POLE2: variants seen among roughly 807,000 people sequenced by gnomAD.
POLE2 encodes DNA polymerase epsilon subunit 2.
A neutral mutation model predicts 79.4 loss-of-function variants in POLE2; 56 were observed. That is an observed-to-expected ratio of 0.71 (90% CI 0.57 to 0.88). The LOEUF is 0.88. Among genes scored for constraint, POLE2 ranks in the 40% least tolerant of loss-of-function variants. The pLI, the probability that POLE2 is intolerant of heterozygous loss-of-function variation, is 0.00. For synonymous variants in POLE2, 212 were observed against 214.0 expected (o/e 0.99, Z 0.08); for missense variants, 598 against 638.9 (o/e 0.94, Z 0.69).
intron 2 of POLE2, among the ~76,000 whole-genome samples, chr14:49,681,613 A>G (rs1468806031): frequency 6.6e-6 from 1 of 152,144 alleles, no homozygotes; most frequent in Non-Finnish European, 1.5e-5. Flanking sequence ...GTCTCTACCA[A>G]AAATATAAAA....
At chr14:49,682,345 A>G (rs1886775250) in intron 2 of POLE2, among the ~76,000 whole-genome samples, 3 of 149,344 alleles carry the variant, frequency 2.0e-5, no homozygotes, top group Admixed American at 2.0e-4. Context: ...TTTTGTATCA[A>G]TGTCTATTTT....
chr14:49,659,949 T>C (rs560008950), intron 10 of POLE2, among the ~76,000 whole-genome samples: 1 of 152,266 alleles, frequency 6.6e-6, no homozygotes, highest in African/African-American at 2.4e-5. Context: ...GTAGCCTAAG[T>C]ATACAGTGTT....
In POLE2 at chr14:49,654,985, A is replaced by C. The variant is rs759184504; in HGVS notation, c.1018+20T>G. On this transcript the variant is annotated intron_variant, in intron 12 of 18. Coordinates refer to ENST00000216367, the MANE Select transcript of POLE2 (RefSeq NM_002692.4). The stretch of plus-strand genomic sequence containing the variant: ...TTATATGACTATAGAAACACTTCTT[A>C]TTAAATAGATCGTTAATACCTTTCA... 1.3e-6 allele frequency: 2 copies of C among 1,483,724 alleles called. No homozygotes were observed. Among genetic ancestry groups the C allele is most frequent in the Non-Finnish European group, 1.8e-6 (2 of 1,096,892 alleles). The allele number at this position is 1,483,724 out of a possible 1,614,324, so 91.9% of individuals were successfully genotyped here.
At chr14:49,646,309 T>TG (rs1883765354) in intron 18 of POLE2, among the ~76,000 whole-genome samples, 1 of 57,718 alleles carries the variant, frequency 1.7e-5, no homozygotes, top group Non-Finnish European at 4.9e-5. Flanking sequence ...TTGGTTTTTT[T>TG]TTTTTTTTTT....
In POLE2 at chr14:49,647,258, A is replaced by AAGAT. The variant is rs56202429; in HGVS notation, c.1565+31_1565+34dup. Reference sequence around the variant, plus strand: ...TTTTCAGTAATTTAACACCTAGAGAAAGATCTTTCTTGCTGTGTCTGTGCA... The same window carrying AAGAT: ...TTTTCAGTAATTTAACACCTAGAGAAAGATAGATCTTTCTTGCTGTGTCTGTGCA... On this transcript the variant is annotated intron_variant, in intron 18 of 18. Transcript: ENST00000216367. 1,385 of 1,122,092 alleles carry AAGAT rather than the reference A, an allele frequency of 1.2e-3. 11 individuals carry two copies. In the East Asian group the frequency reaches 0.021, roughly 17 times the overall value. The allele number at this position is 1,122,092 out of a possible 1,614,324, so 69.5% of individuals were successfully genotyped here. A position where few individuals can be genotyped will look rare whatever the true frequency, so the allele number is the denominator to read the frequency against.
Position 49,650,428 on chromosome 14 carries a change from A to T in POLE2, c.1334T>A (p.Ile445Asn), listed in dbSNP as rs975339851. The change falls in exon 17 of 19, where the codon ATC becomes AAC. Residue 445 changes from isoleucine (I) to asparagine (N), a missense_variant. Ile to Asn is a moderately radical substitution (Grantham distance 149). Transcript: ENST00000216367. ...GGGAGTCAGATGTCCTTGGGATAAG[A>T]TAGTCTTTACAAACTACAAAAGAGC... The part of the protein sequence containing the change: ...LAIPNHFVKT[I>N]LSQGHLTPLP... The T allele has an allele frequency of 1.3e-6, 2 of 1,499,676 alleles. No homozygotes were observed. The highest frequency in any genetic ancestry group is 1.8e-6 in the Non-Finnish European group (2 of 1,118,120). The allele number at this position is 1,499,676 out of a possible 1,614,324, so 92.9% of individuals were successfully genotyped here.
At position 49,683,616 on chromosome 14, in the gene POLE2, A is replaced by C. The variant is rs766965914; in HGVS notation, c.146T>G (p.Ile49Ser). The change falls in exon 2 of 19, where the codon ATT becomes AGT. Residue 49 changes from isoleucine to serine, a missense_variant. Transcript: ENST00000216367. ...ACAGGGTTGCTTCTCAACTGCATTAATTATCTTTTCCAGTTTATCTTCAAG... is the reference window on the plus strand; with the variant it reads ...ACAGGGTTGCTTCTCAACTGCATTACTTATCTTTTCCAGTTTATCTTCAAG... ...LELEDKLEKI[I>S]NAVEKQPLSS... The C allele has an allele frequency of 7.0e-6, 11 of 1,573,402 alleles. No individual in the cohort carries two copies. The highest frequency in any genetic ancestry group is 9.6e-6 in the Non-Finnish European group (11 of 1,144,922).
Position 49,647,365 on chromosome 14 carries a change from G to T in POLE2, c.1498-5C>A, listed in dbSNP as rs1166026552. 2 of 1,523,570 alleles carry T rather than the reference G, an allele frequency of 1.3e-6. No homozygotes were observed. Among genetic ancestry groups the T allele is most frequent in the Non-Finnish European group, 1.8e-6 (2 of 1,125,890 alleles). The allele number at this position is 1,523,570 out of a possible 1,614,324, so 94.4% of individuals were successfully genotyped here. On this transcript the variant is annotated splice_polypyrimidine_tract_variant and splice_region_variant and intron_variant, in intron 17 of 18. Coordinates refer to ENST00000216367, the MANE Select transcript of POLE2 (RefSeq NM_002692.4). Reference sequence around the variant, plus strand: ...TCCACTTCTTGGAAAAGAGCCCTTTGGGGGAGAAAAATGCCTGTAAGTGAA... The same window carrying T: ...TCCACTTCTTGGAAAAGAGCCCTTTTGGGGAGAAAAATGCCTGTAAGTGAA...
At chr14:49,650,948 T>A (rs942462414) in intron 16 of POLE2, among the ~76,000 whole-genome samples, 1 of 152,188 alleles carries the variant, frequency 6.6e-6, no homozygotes, top group African/African-American at 2.4e-5. Flanking sequence ...ACCAATGGGA[T>A]AAATAAGAAC....
intron 2 of POLE2, among the ~76,000 whole-genome samples, chr14:49,683,204 C>G (rs990815999): frequency 2.0e-5 from 3 of 152,108 alleles, no homozygotes; most frequent in Admixed American, 6.5e-5. Flanking sequence ...GAGTTTGAGA[C>G]CAGGCTGAGC....
At chr14:49,647,087 C>T (rs535985748) in intron 18 of POLE2, 3 of 392,186 alleles carry the variant, frequency 7.6e-6, no homozygotes, top group African/African-American at 6.3e-5. Flanking sequence ...GAAAACAGTT[C>T]TTGATCTATT....
intron 2 of POLE2, among the ~76,000 whole-genome samples, chr14:49,682,123 G>GC (rs1886757278): frequency 6.7e-6 from 1 of 149,834 alleles, no homozygotes; most frequent in Non-Finnish European, 1.5e-5. Context: ...TCCTGCCTCA[G>GC]CCTCCCAAGG....
chr14:49,659,929 C>T (rs1464424039), intron 10 of POLE2, among the ~76,000 whole-genome samples: 4 of 152,078 alleles, frequency 2.6e-5, no homozygotes, highest in East Asian at 3.8e-4. Context: ...TCTTTTTAAA[C>T]AAATTTAGTG....
intron 5 of POLE2, among the ~76,000 whole-genome samples, chr14:49,672,020 G>A (rs1167338804): frequency 6.6e-6 from 1 of 152,172 alleles, no homozygotes; most frequent in African/African-American, 2.4e-5. Context: ...CTCCAGAAAG[G>A]AGGAATCTGA....
At chr14:49,684,266 T>C (rs1221584392) in intron 1 of POLE2, among the ~76,000 whole-genome samples, 1 of 151,858 alleles carries the variant, frequency 6.6e-6, no homozygotes, top group Admixed American at 6.6e-5. Flanking sequence ...ATCAAGACCA[T>C]TCTGGCTAAC....
At chr14:49,673,607 A>G (rs1886047061) in intron 5 of POLE2, among the ~76,000 whole-genome samples, 1 of 152,224 alleles carries the variant, frequency 6.6e-6, no homozygotes, top group Non-Finnish European at 1.5e-5. Flanking sequence ...TAGCACATAT[A>G]AAATTCTACT....
chr14:49,673,422 T>C (rs1026901951), intron 5 of POLE2, among the ~76,000 whole-genome samples: 4 of 152,184 alleles, frequency 2.6e-5, no homozygotes, highest in Admixed American at 2.6e-4. Context: ...ACACTACTCC[T>C]GATTTTCTCA....
chr14:49,675,238 C>G (rs1256755438), intron 3 of POLE2, among the ~76,000 whole-genome samples: 1 of 152,036 alleles, frequency 6.6e-6, no homozygotes, highest in African/African-American at 2.4e-5. Flanking sequence ...GCATGCACCA[C>G]CACGCCCAGC....
Position 49,651,217 on chromosome 14 carries a change from T to G in POLE2, c.1320+52A>C, listed in dbSNP as rs964183579. 3.8e-6 allele frequency: 3 copies of G among 781,086 alleles called. No homozygotes were observed. The African/African-American group carries it at 5.2e-5, about 14-fold the overall frequency. 48.4% of individuals were successfully genotyped at this position (781,086 alleles called of 1,614,324 possible). On this transcript the variant is annotated intron_variant, in intron 16 of 18. Coordinates refer to ENST00000216367, the MANE Select transcript of POLE2 (RefSeq NM_002692.4). ...AAATTATTAAGTGGCTTAATAAAAT[T>G]TTATATAATGCAACATGTAAGGCAG...
Sources: allele counts gnomAD v4.1 joint callset (sites outside exome capture counted in the v4.1 genomes callset), GRCh38; gene constraint gnomAD v4.1.1; transcripts MANE v1.5; gene names NCBI Gene and HGNC (gene_info 2026-07-23, HGNC 2026-07-21).